The following TTC23L variants were observed in gnomAD, a reference collection of about 807,000 sequenced individuals.
TTC23L encodes tetratricopeptide repeat domain 23 like.
A neutral mutation model predicts 48.1 loss-of-function variants in TTC23L; 42 were observed. The observed-to-expected ratio is 0.87, with a 90% CI of 0.68 to 1.13. The LOEUF (loss-of-function observed/expected upper bound fraction) is 1.13, where lower values mean the gene tolerates loss of function less well. Ranked by LOEUF, TTC23L falls within the 50% of genes most tolerant of loss-of-function variation. The pLI, the probability that TTC23L is intolerant of heterozygous loss-of-function variation, is 0.00. For missense variants in TTC23L, 391 were observed against 421.0 expected, an observed-to-expected ratio of 0.93 and a Z score of 0.62; for synonymous variants, 159 against 157.2, an observed-to-expected ratio of 1.01 and a Z score of -0.09.
At chr5:34,876,107 TG>T (rs1202752544) in intron 8 of TTC23L, among the ~76,000 whole-genome samples, 7 of 152,096 alleles carry the variant, frequency 4.6e-5, no homozygotes, top group African/African-American at 1.7e-4. Context: ...ATGAAAACAA[TG>T]TAAAAATTTG....
chr5:34,858,085 C>T (rs965894136), intron 4 of TTC23L, among the ~76,000 whole-genome samples: 10 of 152,200 alleles, frequency 6.6e-5, no homozygotes, highest in Non-Finnish European at 1.3e-4. Flanking sequence ...TCTTTGGACT[C>T]ATTTTGCCAT....
chr5:34,915,221 G>A, the TTC23L span, among the ~76,000 whole-genome samples: 1 of 152,178 alleles, frequency 6.6e-6, no homozygotes, highest in Admixed American at 6.5e-5. Context: ...GGCCAAACAG[G>A]AGCTACAAAT....
intron 4 of TTC23L, among the ~76,000 whole-genome samples, chr5:34,850,958 G>A (rs1264771874): frequency 1.3e-5 from 2 of 152,190 alleles, no homozygotes; most frequent in African/African-American, 2.4e-5. Flanking sequence ...CAGGGACATA[G>A]CCAGCTCAAG....
At chr5:34,901,494 G>T (rs375811737), downstream of TTC23L, among the ~76,000 whole-genome samples, 6 of 152,320 alleles carry the variant, frequency 3.9e-5, 1 homozygote, top group African/African-American at 1.4e-4. Context: ...CGGGCATGGT[G>T]GCTCAAGCCT....
chr5:34,914,830 A>G, the TTC23L span: 1 of 1,614,234 alleles, frequency 6.2e-7, no homozygotes, highest in Non-Finnish European at 8.5e-7. Flanking sequence ...TAACGTTGTC[A>G]AGGCTGGCCA....
chr5:34,880,571 G>C (rs925383193), intron 9 of TTC23L: 2 of 458,726 alleles, frequency 4.4e-6, no homozygotes, highest in South Asian at 2.1e-5. Context: ...AAGTATTTTA[G>C]AGGGACTCGA....
chr5:34,845,823 T>C, intron 3 of TTC23L, 150 bp downstream of exon 3: 1 of 776,046 alleles, frequency 1.3e-6, no homozygotes, highest in South Asian at 2.0e-5. Context: ...CAGAGCCTAC[T>C]TAGGTAGCCA....
chr5:34,915,470 G>A, the TTC23L span: 27 of 395,544 alleles, frequency 6.8e-5, no homozygotes, highest in East Asian at 1.2e-3. Context: ...TCCCTGAAGA[G>A]GAGCGAGGCG....
intron 6 of TTC23L, 55 bp from the exon 7 acceptor site, chr5:34,866,837 T>C: frequency 7.5e-6 from 11 of 1,466,286 alleles, no homozygotes; most frequent in Non-Finnish European, 8.2e-6. Flanking sequence ...TCCTTTTGTG[T>C]CTGCAAAGTA....
At chr5:34,897,012 G>GAAA in intron 10 of TTC23L, 137 bp downstream of exon 10, 3 of 391,432 alleles carry the variant, frequency 7.7e-6, no homozygotes, top group Non-Finnish European at 1.4e-5. Context: ...ATCATTTAAG[G>GAAA]AAAAAAAAAA....
At chr5:34,914,213 C>T in the TTC23L span, among the ~76,000 whole-genome samples, 1 of 152,154 alleles carries the variant, frequency 6.6e-6, no homozygotes, top group Non-Finnish European at 1.5e-5. Flanking sequence ...AATAGCATAT[C>T]GCAGTGGAAA....
chr5:34,840,704 T>G (rs760799745), exon 2 of TTC23L: 3 of 1,614,002 alleles, frequency 1.9e-6, no homozygotes, highest in Non-Finnish European at 2.5e-6. Context: ...TCCCAACTGT[T>G]AGCAATGACA....
chr5:34,879,889 G>A (rs1762102327), intron 8 of TTC23L, among the ~76,000 whole-genome samples: 1 of 152,100 alleles, frequency 6.6e-6, no homozygotes, highest in African/African-American at 2.4e-5. Context: ...CCAGCTACTC[G>A]GGTGGCTGAG....
chr5:34,913,810 T>A, the TTC23L span: 1 of 533,150 alleles, frequency 1.9e-6, no homozygotes, highest in Non-Finnish European at 3.5e-6. Context: ...TTTTTGTGCC[T>A]ATCACTACTG....
At chr5:34,925,441 T>C in the TTC23L span, 1 of 1,613,862 alleles carries the variant, frequency 6.2e-7, no homozygotes, top group South Asian at 1.1e-5. Context: ...AGAAACGGAT[T>C]TACAAAAGGC....
chr5:34,882,533 G>A (rs977015045), intron 9 of TTC23L, among the ~76,000 whole-genome samples: 2 of 151,714 alleles, frequency 1.3e-5, no homozygotes, highest in African/African-American at 4.8e-5. Flanking sequence ...TCGTTCTCCT[G>A]CCTCCAAGCT....
At chr5:34,850,425 C>T in intron 4 of TTC23L, 117 bp downstream of exon 4, 1 of 1,271,160 alleles carries the variant, frequency 7.9e-7, no homozygotes, top group Non-Finnish European at 1.1e-6. Flanking sequence ...CTAGCTCACA[C>T]ATTATCAGGA....
chr5:34,882,757 C>T (rs1372546924), intron 9 of TTC23L, among the ~76,000 whole-genome samples: 3 of 152,086 alleles, frequency 2.0e-5, no homozygotes, highest in Non-Finnish European at 4.4e-5. Flanking sequence ...ATGACAATCA[C>T]GGCTGGGTAT....
intron 1 of TTC23L, chr5:34,839,523 T>C (rs993786289): frequency 1.7e-6 from 1 of 590,096 alleles, no homozygotes; most frequent in Non-Finnish European, 2.1e-6. Context: ...CGGAACGTCA[T>C]AGGAACAGAG....
Sources: allele counts gnomAD v4.1 joint callset (sites outside exome capture counted in the v4.1 genomes callset), GRCh38; gene constraint gnomAD v4.1.1; transcripts MANE v1.5; gene names NCBI Gene and HGNC (gene_info 2026-07-23, HGNC 2026-07-21).